Variants in CRIM1 observed in about 807,000 individuals in gnomAD.
CRIM1 encodes cysteine-rich motor neuron 1 protein.
In CRIM1, 32 loss-of-function variants were observed where a neutral mutation model predicts 116.4. The ratio of observed to expected loss-of-function variants is 0.27; its 90% CI spans 0.21 to 0.37. The LOEUF is 0.37. Among genes scored for constraint, CRIM1 ranks in the 10% least tolerant of loss-of-function variants. The pLI, the probability that CRIM1 is intolerant of heterozygous loss-of-function variation, is 1.00. For synonymous variants in CRIM1, 590 were observed against 509.2 expected (o/e 1.16, Z -2.13); for missense variants, 1,331 against 1,354.8 (o/e 0.98, Z 0.28).
intron 1 of CRIM1, among the ~76,000 whole-genome samples, chr2:36,369,477 C>T (rs909893947): frequency 1.3e-5 from 2 of 152,192 alleles, no homozygotes; most frequent in African/African-American, 4.8e-5. Context: ...GAAGGTGGTG[C>T]AAGAGTCAAT....
intron 5 of CRIM1, among the ~76,000 whole-genome samples, chr2:36,473,543 A>G (rs1194445611): frequency 6.6e-6 from 1 of 152,150 alleles, no homozygotes; most frequent in East Asian, 1.9e-4. Flanking sequence ...TCTCAGATCT[A>G]GGCAACCACT....
intron 1 of CRIM1, among the ~76,000 whole-genome samples, chr2:36,395,726 C>G (rs1435477684): frequency 1.3e-5 from 2 of 152,160 alleles, no homozygotes; most frequent in Non-Finnish European, 2.9e-5. Context: ...TGTCACTAAG[C>G]TGCACCACTT....
intron 1 of CRIM1, among the ~76,000 whole-genome samples, chr2:36,392,693 T>C (rs892236904): frequency 6.6e-6 from 1 of 152,236 alleles, no homozygotes; most frequent in Non-Finnish European, 1.5e-5. Context: ...TGTTCTGTAA[T>C]TGAATACCAG....
chr2:36,390,672 A>G (rs958465924), intron 1 of CRIM1, among the ~76,000 whole-genome samples: 3 of 152,044 alleles, frequency 2.0e-5, no homozygotes, highest in African/African-American at 4.8e-5. Flanking sequence ...ATAGTTTAAT[A>G]CAGAGGACAT....
At chr2:36,441,189 GTT>G (rs1675790379) in intron 2 of CRIM1, 67 bp from the exon 3 acceptor site, 2 of 1,597,594 alleles carry the variant, frequency 1.3e-6, no homozygotes, top group African/African-American at 1.3e-5. Context: ...CATCAGGACT[GTT>G]TGTTCTTCTG....
In CRIM1 at chr2:36,522,175, G is replaced by A; in HGVS notation, c.2290G>A (p.Ala764Thr). ...KNDEGDIFLA[A>T]ESWKPDVCTS... The stretch of plus-strand genomic sequence containing the variant: ...TGATGAAGGGGATATATTCCTGGCA[G>A]CTGAGTCCTGGAAGCCTGACGTTTG... The change falls in exon 13 of 17, where the codon GCT (alanine) becomes ACT (threonine). Residue 764 changes from alanine (A) to threonine (T), a missense_variant. Physicochemically the swap from Ala to Thr is moderately conservative, Grantham distance 58. Transcript: ENST00000280527. 6.2e-7 allele frequency: 1 copy of A among 1,614,190 alleles called. No homozygotes were observed. Among genetic ancestry groups the A allele is most frequent in the Non-Finnish European group, 8.5e-7 (1 of 1,180,008 alleles).
intron 14 of CRIM1, among the ~76,000 whole-genome samples, chr2:36,539,519 C>G (rs1039335258): frequency 6.6e-6 from 1 of 152,138 alleles, no homozygotes; most frequent in Non-Finnish European, 1.5e-5. Flanking sequence ...ATCTGACTTA[C>G]CTTTGAATGG....
intron 11 of CRIM1, among the ~76,000 whole-genome samples, chr2:36,517,000 A>G (rs1428726815): frequency 6.6e-6 from 1 of 152,306 alleles, no homozygotes; most frequent in Non-Finnish European, 1.5e-5. Context: ...GACAGTTCCT[A>G]CACATTCACA....
At chr2:36,465,889 C>CT (rs546998292) in intron 5 of CRIM1, among the ~76,000 whole-genome samples, 297 of 143,330 alleles carry the variant, frequency 2.1e-3, no homozygotes, top group Middle Eastern at 3.6e-3. Flanking sequence ...CTTTAGTATT[C>CT]TTTTTTTTTT....
intron 13 of CRIM1, among the ~76,000 whole-genome samples, chr2:36,527,522 A>G (rs562575228): frequency 2.0e-5 from 3 of 151,104 alleles, no homozygotes; most frequent in Non-Finnish European, 4.4e-5. Context: ...GATCTTCTCC[A>G]TAGTGATCTT....
chr2:36,497,767 T>C (rs1377019960), intron 7 of CRIM1, among the ~76,000 whole-genome samples: 4 of 152,262 alleles, frequency 2.6e-5, no homozygotes, highest in African/African-American at 9.6e-5. Context: ...TAAGTCATCG[T>C]TGCCTGCTAC....
intron 5 of CRIM1, among the ~76,000 whole-genome samples, chr2:36,464,888 A>C (rs1275937735): frequency 1.3e-5 from 2 of 152,212 alleles, no homozygotes; most frequent in East Asian, 1.9e-4. Context: ...AGCAGATTGC[A>C]TGTAGCTGTC....
intron 13 of CRIM1, among the ~76,000 whole-genome samples, chr2:36,525,455 C>G (rs1665692820): frequency 6.6e-6 from 1 of 152,206 alleles, no homozygotes; most frequent in Admixed American, 6.5e-5. Flanking sequence ...CAGTTGCCAG[C>G]TGTGCTTCAT....
At chr2:36,511,047 AG>A (rs2125108708) in intron 9 of CRIM1, among the ~76,000 whole-genome samples, 1 of 150,286 alleles carries the variant, frequency 6.7e-6, no homozygotes, top group African/African-American at 2.5e-5. Context: ...CCTCAGCCTC[AG>A]CCTCAGCCTC....
rs1415453526 is a variant in CRIM1, at chr2:36,550,602, TTG to T, written c.*1903_*1904del. 1 of 152,518 alleles carries T rather than the reference TTG, an allele frequency of 6.6e-6. No homozygotes were observed. 9.4% of individuals were successfully genotyped at this position (152,518 alleles called of 1,614,324 possible). A position where few individuals can be genotyped will look rare whatever the true frequency, so the allele number is the denominator to read the frequency against. ...ATTAATCTGAAGATTAACCATTTTT[TTG>T]TCTTAGAATATCAAAAAGAAAAAGA... On this transcript the variant is annotated 3_prime_UTR_variant, in exon 17 of 17. Coordinates refer to ENST00000280527, the MANE Select transcript of CRIM1 (RefSeq NM_016441.3).
chr2:36,379,400 C>T (rs1021673806), intron 1 of CRIM1, among the ~76,000 whole-genome samples: 9 of 152,198 alleles, frequency 5.9e-5, no homozygotes, highest in Admixed American at 3.9e-4. Context: ...AGAGTTGTCA[C>T]AGGACATCTG....
At chr2:36,392,138 C>T (rs1194547013) in intron 1 of CRIM1, among the ~76,000 whole-genome samples, 1 of 152,130 alleles carries the variant, frequency 6.6e-6, no homozygotes, top group African/African-American at 2.4e-5. Context: ...TCTGAACATC[C>T]AAGTGGAAGT....
chr2:36,377,314 G>A (rs924708761), intron 1 of CRIM1, among the ~76,000 whole-genome samples: 1 of 152,230 alleles, frequency 6.6e-6, no homozygotes, highest in African/African-American at 2.4e-5. Flanking sequence ...ACTTGCCAAG[G>A]AGTGTTAGGG....
chr2:36,539,132 A>T (rs1473158525), intron 14 of CRIM1, among the ~76,000 whole-genome samples: 1 of 152,208 alleles, frequency 6.6e-6, no homozygotes, highest in Non-Finnish European at 1.5e-5. Context: ...AAGGCATAGC[A>T]AGACAGAGAG....
Sources: gnomAD v4.1 joint callset for allele counts (sites outside exome capture counted in the v4.1 genomes callset) on GRCh38, gnomAD v4.1.1 for gene constraint, MANE v1.5 for transcripts, NCBI Gene and HGNC (gene_info 2026-07-23, HGNC 2026-07-21) for gene names.